IFT57: variants seen among roughly 807,000 people sequenced by gnomAD.
The protein encoded by IFT57 is intraflagellar transport 57.
IFT57 carries 59 observed loss-of-function variants against 56.8 expected under a neutral mutation model. The ratio of observed to expected loss-of-function variants is 1.04; its 90% CI spans 0.84 to 1.29. The LOEUF (loss-of-function observed/expected upper bound fraction) is 1.29, where lower values mean the gene tolerates loss of function less well. Among genes scored for constraint, IFT57 ranks in the 50% most tolerant of loss-of-function variants. The probability of loss-of-function intolerance (pLI) is 0.00; values close to 1 mark genes in which losing one functional copy is unlikely to be tolerated. For missense variants in IFT57, 470 were observed against 522.1 expected (o/e 0.90, Z 0.97); for synonymous variants, 209 against 186.1 (o/e 1.12, Z -1.00).
chr3:108,183,889 T>G (rs563846372), intron 6 of IFT57, among the ~76,000 whole-genome samples: 1 of 152,282 alleles, frequency 6.6e-6, no homozygotes, highest in African/African-American at 2.4e-5. Flanking sequence ...TTTCTATTTC[T>G]CCAGAAATAT....
chr3:108,199,092 T>C (rs2080262455), intron 5 of IFT57, among the ~76,000 whole-genome samples: 1 of 152,212 alleles, frequency 6.6e-6, no homozygotes, highest in Admixed American at 6.5e-5. Context: ...TTTGGGCTAA[T>C]TATGAATAAA....
At chr3:108,214,730 T>C (rs182488001) in intron 3 of IFT57, among the ~76,000 whole-genome samples, 16 of 152,308 alleles carry the variant, frequency 1.1e-4, no homozygotes, top group African/African-American at 3.6e-4. Context: ...ATATTTTAAT[T>C]GCTTATTTGC....
chr3:108,212,085 C>T (rs904648860), intron 4 of IFT57, among the ~76,000 whole-genome samples: 1 of 152,118 alleles, frequency 6.6e-6, no homozygotes, highest in South Asian at 2.1e-4. Flanking sequence ...TGGGCTCAAG[C>T]GATCTTCCCA....
At chr3:108,190,996 T>C (rs761719237) in intron 6 of IFT57, among the ~76,000 whole-genome samples, 11 of 152,224 alleles carry the variant, frequency 7.2e-5, no homozygotes, top group Non-Finnish European at 1.5e-4. Context: ...TTTCACTGCA[T>C]TGGCCAGGCT....
At chr3:108,200,927 T>C (rs2080275425) in intron 5 of IFT57, among the ~76,000 whole-genome samples, 1 of 152,162 alleles carries the variant, frequency 6.6e-6, no homozygotes, top group Non-Finnish European at 1.5e-5. Flanking sequence ...ATAAGAATGT[T>C]GAGAACTAAT....
intron 3 of IFT57, among the ~76,000 whole-genome samples, chr3:108,216,975 T>C (rs905051286): frequency 1.3e-5 from 2 of 151,878 alleles, no homozygotes; most frequent in Non-Finnish European, 2.9e-5. Context: ...AGTGGGTGAG[T>C]ACAAAGTTAC....
chr3:108,221,965 T>A, intron 1 of IFT57, 146 bp downstream of exon 1: 1 of 1,445,600 alleles, frequency 6.9e-7, no homozygotes, highest in Non-Finnish European at 9.1e-7. Flanking sequence ...CCCGGGAGTT[T>A]GGGGTGAAGT....
intron 5 of IFT57, among the ~76,000 whole-genome samples, chr3:108,201,708 A>C (rs2080279107): frequency 6.6e-6 from 1 of 152,244 alleles, no homozygotes; most frequent in Non-Finnish European, 1.5e-5. Context: ...TTTTTCTCCT[A>C]GATTACTCAG....
At chr3:108,195,441 T>C (rs750868648) in intron 5 of IFT57, among the ~76,000 whole-genome samples, 6 of 151,984 alleles carry the variant, frequency 3.9e-5, no homozygotes, top group Non-Finnish European at 8.8e-5. Context: ...TAAAAATCTA[T>C]CATATAATCT....
chr3:108,218,475 A>C, intron 3 of IFT57, 60 bp downstream of exon 3: 1 of 705,538 alleles, frequency 1.4e-6, no homozygotes, highest in Admixed American at 2.8e-5. Context: ...ACAGCTCTGT[A>C]CCCTCAGAGG....
Position 108,222,345 on chromosome 3 carries a change from G to A in IFT57, c.-23C>T, listed in dbSNP as rs375378346. The A allele has an allele frequency of 1.3e-6, 2 of 1,588,312 alleles. No individual in the cohort carries two copies. Among genetic ancestry groups the A allele is most frequent in the East Asian group, 2.2e-5 (1 of 44,604 alleles). ...CATCGCAGAACGGACAGAGTCCAGC[G>A]TGGGCTCAGGCCCACAGACCTCTGC... On this transcript the variant is annotated 5_prime_UTR_variant, in exon 1 of 11. In the 5' UTR this introduces an upstream ATG that the reference lacks. Coordinates refer to ENST00000264538, the MANE Select transcript of IFT57 (RefSeq NM_018010.4).
At chr3:108,197,900 A>G (rs184826965) in intron 5 of IFT57, among the ~76,000 whole-genome samples, 160 of 152,304 alleles carry the variant, frequency 1.1e-3, no homozygotes, top group African/African-American at 3.4e-3. Flanking sequence ...CACCTTCCTC[A>G]TTGGAAGGGT....
At chr3:108,168,621 T>C (rs900828174) in intron 6 of IFT57, among the ~76,000 whole-genome samples, 3 of 151,990 alleles carry the variant, frequency 2.0e-5, no homozygotes, top group African/African-American at 7.2e-5. Context: ...GCATTAGGTA[T>C]TTGTCCTACT....
rs548883158 is a variant in IFT57 at position 108,205,999 on chromosome 3, T to C, written c.654+629A>G. ...ATATATAATATATAATATATTTATGTTATATATTACTTATATATAATATAT... is the reference window on the plus strand; with the variant it reads ...ATATATAATATATAATATATTTATGCTATATATTACTTATATATAATATAT... On this transcript the variant is annotated intron_variant, in intron 5 of 10. Transcript: ENST00000264538. Among the ~76,000 whole-genome samples the C allele has an allele frequency of 7.5e-5, 9 of 120,080 alleles. No homozygotes were observed. In the South Asian group the frequency reaches 2.1e-3, roughly 28 times the overall value. The allele number at this position is 120,080 out of a possible 152,430, so 78.8% of individuals were successfully genotyped here. A position where few individuals can be genotyped will look rare whatever the true frequency, so the allele number is the denominator to read the frequency against.
At chr3:108,185,129 T>G (rs1410023716) in intron 6 of IFT57, among the ~76,000 whole-genome samples, 1 of 152,154 alleles carries the variant, frequency 6.6e-6, no homozygotes, top group Admixed American at 6.6e-5. Flanking sequence ...ACAAAAACCT[T>G]TCGCTTTTTG....
At chr3:108,177,601 A>G (rs2080130941) in intron 6 of IFT57, among the ~76,000 whole-genome samples, 2 of 151,762 alleles carry the variant, frequency 1.3e-5, no homozygotes, top group Non-Finnish European at 2.9e-5. Flanking sequence ...GGGACAGGAG[A>G]CAAATTGTAT....
chr3:108,173,505 G>A (rs1340795042), intron 6 of IFT57, among the ~76,000 whole-genome samples: 3 of 151,756 alleles, frequency 2.0e-5, no homozygotes, highest in South Asian at 2.1e-4. Context: ...CTAACTTTCC[G>A]AACATATAGC....
Position 108,190,525 on chromosome 3 carries a change from A to G in IFT57, c.777+996T>C, listed in dbSNP as rs370299659. On this transcript the variant is annotated intron_variant, in intron 6 of 10. Transcript: ENST00000264538. Reference sequence around the variant, plus strand: ...TCTCCTTCCTGCGGCCTTGTAAAGAAGATGCCTTGCTTTCCCTTGGCCTTC... The same window carrying G: ...TCTCCTTCCTGCGGCCTTGTAAAGAGGATGCCTTGCTTTCCCTTGGCCTTC... Among the ~76,000 whole-genome samples, 11 of 152,352 alleles carry G rather than the reference A, an allele frequency of 7.2e-5. No homozygotes were observed. The East Asian group carries it at 2.1e-3, about 29-fold the overall frequency.
chr3:108,211,130 A>C (rs2080340575), intron 4 of IFT57, among the ~76,000 whole-genome samples: 1 of 152,218 alleles, frequency 6.6e-6, no homozygotes, highest in Non-Finnish European at 1.5e-5. Context: ...GAAAAATTAC[A>C]CATGGTTTCT....
Sources: gnomAD v4.1 joint callset for allele counts (sites outside exome capture counted in the v4.1 genomes callset) on GRCh38, gnomAD v4.1.1 for gene constraint, MANE v1.5 for transcripts, NCBI Gene and HGNC (gene_info 2026-07-23, HGNC 2026-07-21) for gene names.